Variants in KIF26B observed in about 807,000 individuals in gnomAD.
KIF26B encodes kinesin family member 26B.
In KIF26B, 63 loss-of-function variants were observed where a neutral mutation model predicts 151.2. That is an observed-to-expected ratio of 0.42 (90% CI 0.34 to 0.51). KIF26B has a LOEUF of 0.51. KIF26B is among the 20% of genes least tolerant of loss of function. The pLI, the probability that KIF26B is intolerant of heterozygous loss-of-function variation, is 0.07. For missense variants in KIF26B, 2,813 were observed against 2,913.6 expected (o/e 0.97, Z 0.79); for synonymous variants, 1,357 against 1,262.1 (o/e 1.08, Z -1.59).
intron 2 of KIF26B, among the ~76,000 whole-genome samples, chr1:245,255,461 AGGTTGTG>A (rs1670515475): frequency 6.6e-6 from 1 of 152,210 alleles, no homozygotes; most frequent in African/African-American, 2.4e-5. Flanking sequence ...AAACATGGTC[AGGTTGTG>A]AGTTTTCCTT....
chr1:245,411,403 G>A (rs925403870), intron 3 of KIF26B, among the ~76,000 whole-genome samples: 25 of 152,228 alleles, frequency 1.6e-4, no homozygotes, highest in African/African-American at 5.5e-4. Flanking sequence ...AGGAGACACT[G>A]ACAAACACAG....
At chr1:245,189,991 G>C (rs965672173) in intron 2 of KIF26B, among the ~76,000 whole-genome samples, 3 of 152,096 alleles carry the variant, frequency 2.0e-5, no homozygotes, top group African/African-American at 7.2e-5. Context: ...AGAACAGTAT[G>C]GGGGGAAACC....
chr1:245,548,897 C>A (rs1661814676), intron 5 of KIF26B, among the ~76,000 whole-genome samples: 1 of 152,162 alleles, frequency 6.6e-6, no homozygotes, highest in African/African-American at 2.4e-5. Flanking sequence ...GCACCCGCCA[C>A]CATGCCTGGC....
chr1:245,178,874 C>G (rs1011328925), intron 2 of KIF26B, among the ~76,000 whole-genome samples: 2 of 152,046 alleles, frequency 1.3e-5, no homozygotes, highest in African/African-American at 4.8e-5. Context: ...TCCGAGCAGA[C>G]GGGGGCTCTG....
At chr1:245,282,596 T>C (rs1285855796) in intron 2 of KIF26B, among the ~76,000 whole-genome samples, 3 of 152,296 alleles carry the variant, frequency 2.0e-5, no homozygotes, top group Admixed American at 6.5e-5. Context: ...GCCAGCTTTT[T>C]CCAGGGCTAC....
chr1:245,218,274 C>G lies in KIF26B; in HGVS notation c.465+61591C>G, dbSNP rs1669689797. On this transcript the variant is annotated intron_variant, in intron 2 of 14. Transcript: ENST00000407071. The surrounding 1 kb of genome is among the most constrained non-coding windows in gnomAD (Gnocchi z 4.1). ...TTCTCAGTGGGGTGCCTTAGGGTCC[C>G]CTCAGCAGATGGATCCCATCTCCTG... Among the ~76,000 whole-genome samples the G allele has an allele frequency of 6.6e-6, 1 of 152,158 alleles. No individual in the cohort carries two copies. The highest frequency in any genetic ancestry group is 1.5e-5 in the Non-Finnish European group (1 of 68,030).
At position 245,361,091 on chromosome 1, in the gene KIF26B, C is replaced by T. The variant is rs570673273; in HGVS notation, c.466-5743C>T. Reference sequence around the variant, plus strand: ...TTATGAACTGTTCTTAATCATGTTACGTTCTAATTAAACATCTCCCTTTTC... The same window carrying T: ...TTATGAACTGTTCTTAATCATGTTATGTTCTAATTAAACATCTCCCTTTTC... On this transcript the variant is annotated intron_variant, in intron 2 of 14. Transcript: ENST00000407071. Among the ~76,000 whole-genome samples the T allele has an allele frequency of 2.6e-4, 39 of 152,296 alleles. 1 individual carries two copies. In the South Asian group the frequency reaches 7.5e-3, roughly 29 times the overall value.
chr1:245,692,442 G>A (rs552895474), intron 12 of KIF26B, among the ~76,000 whole-genome samples: 91 of 152,258 alleles, frequency 6.0e-4, no homozygotes, highest in African/African-American at 2.0e-3. Flanking sequence ...AGCTTGGTCC[G>A]GGAGGGTGCT....
At chr1:245,571,219 G>C (rs1005852882) in intron 5 of KIF26B, among the ~76,000 whole-genome samples, 2 of 152,242 alleles carry the variant, frequency 1.3e-5, no homozygotes, top group African/African-American at 4.8e-5. Context: ...TCCTATGGGA[G>C]TTGCGTTGCT....
At chr1:245,484,145 A>G (rs867510898) in intron 4 of KIF26B, among the ~76,000 whole-genome samples, 1 of 151,694 alleles carries the variant, frequency 6.6e-6, no homozygotes, top group Non-Finnish European at 1.5e-5. Context: ...GTTTACCTTC[A>G]TATCTTCTCT....
At chr1:245,160,891 A>G (rs1668520294) in intron 2 of KIF26B, among the ~76,000 whole-genome samples, 1 of 152,222 alleles carries the variant, frequency 6.6e-6, no homozygotes, top group Admixed American at 6.5e-5. Context: ...ATATCCCCAC[A>G]TGCATATTTC....
chr1:245,498,139 C>G (rs1660549198), intron 4 of KIF26B, among the ~76,000 whole-genome samples: 1 of 152,224 alleles, frequency 6.6e-6, no homozygotes, highest in Non-Finnish European at 1.5e-5. Flanking sequence ...CTGCATATCT[C>G]CTTTCTGTGT....
At chr1:245,320,696 G>A (rs988262887) in intron 2 of KIF26B, among the ~76,000 whole-genome samples, 1 of 151,692 alleles carries the variant, frequency 6.6e-6, no homozygotes, top group Non-Finnish European at 1.5e-5. Context: ...TATTTATTTT[G>A]GTGGCTTAGT....
chr1:245,290,189 GAAT>G (rs56846063), intron 2 of KIF26B, among the ~76,000 whole-genome samples: 89,545 of 151,858 alleles, frequency 0.59, 26,696 homozygotes, highest in Middle Eastern at 0.68. Flanking sequence ...ATGAATGAAT[GAAT>G]GAATGAATGA....
intron 3 of KIF26B, among the ~76,000 whole-genome samples, chr1:245,374,486 G>A (rs1336530921): frequency 6.6e-6 from 1 of 152,058 alleles, no homozygotes; most frequent in African/African-American, 2.4e-5. Flanking sequence ...AGGAGTATAG[G>A]ATTTTCATCC....
At chr1:245,507,626 T>C (rs1490902478) in intron 4 of KIF26B, among the ~76,000 whole-genome samples, 1 of 152,120 alleles carries the variant, frequency 6.6e-6, no homozygotes, top group Non-Finnish European at 1.5e-5. Context: ...AGTCCTCCCT[T>C]GAAGCAAGAT....
intron 2 of KIF26B, among the ~76,000 whole-genome samples, chr1:245,287,407 A>C (rs893344259): frequency 6.6e-6 from 1 of 151,208 alleles, no homozygotes; most frequent in African/African-American, 2.4e-5. Flanking sequence ...AAGTATATAA[A>C]TGCGTTTTTT....
chr1:245,430,492 C>T lies in KIF26B; in HGVS notation c.1166+10747C>T, dbSNP rs115840829. Among the ~76,000 whole-genome samples, 594 of 152,030 alleles carry T rather than the reference C, an allele frequency of 3.9e-3. 11 individuals are homozygous for T. The highest frequency in any genetic ancestry group is 0.014 in the African/African-American group (576 of 41,442). On this transcript the variant is annotated intron_variant, in intron 4 of 14. Transcript: ENST00000407071. Reference sequence around the variant, plus strand: ...CCAGCCTGGGCAACATAGCAAGACCCTGTATCTGGAGAAAAATTTAAAAAA... The same window carrying T: ...CCAGCCTGGGCAACATAGCAAGACCTTGTATCTGGAGAAAAATTTAAAAAA...
rs1438462325 is a variant in KIF26B, at chr1:245,708,465, G to GGTGTGTGTACATACACGGAT, written c.*5871_*5890dup. 3.9e-5 allele frequency: 6 copies of GGTGTGTGTACATACACGGAT among 152,188 alleles called. No individual in the cohort carries two copies. Among genetic ancestry groups the GGTGTGTGTACATACACGGAT allele is most frequent in the Non-Finnish European group, 8.8e-5 (6 of 68,042 alleles). 9.4% of individuals were successfully genotyped at this position (152,188 alleles called of 1,614,324 possible). On this transcript the variant is annotated 3_prime_UTR_variant, in exon 15 of 15. Coordinates refer to ENST00000407071, the MANE Select transcript of KIF26B (RefSeq NM_018012.4). ...ACATGAACACATACCATTCCTCTAA[G>GGTGTGTGTACATACACGGAT]GTGTGTGTACATACACGGATGTGTG...
Sources: gnomAD v4.1 joint callset for allele counts (sites outside exome capture counted in the v4.1 genomes callset) on GRCh38, gnomAD v4.1.1 for gene constraint, Gnocchi (gnomAD v3.1) non-coding constraint, MANE v1.5 for transcripts, NCBI Gene and HGNC (gene_info 2026-07-23, HGNC 2026-07-21) for gene names.